The following MGAM variants were observed in gnomAD, a reference collection of about 807,000 sequenced individuals.
MGAM encodes maltase-glucoamylase, also known as alpha-1,4-glucosidase.
MGAM carries 253 observed loss-of-function variants against 358.8 expected under a neutral mutation model. The observed-to-expected ratio is 0.71, with a 90% CI of 0.64 to 0.78. The LOEUF (loss-of-function observed/expected upper bound fraction) is 0.78. Among genes scored for constraint, MGAM ranks in the 30% least tolerant of loss-of-function variants. The pLI, the probability that MGAM is intolerant of heterozygous loss-of-function variation, is 0.00. For missense variants in MGAM, 3,080 were observed against 3,432.6 expected (o/e 0.90, Z 2.57); for synonymous variants, 1,105 against 1,227.1 (o/e 0.90, Z 2.08).
intron 18 of MGAM, 53 bp downstream of exon 18, chr7:142,037,030 A>T: frequency 6.5e-7 from 1 of 1,539,486 alleles, no homozygotes; most frequent in Non-Finnish European, 8.9e-7. Flanking sequence ...AATGACATTG[A>T]CTATATCATC....
At chr7:142,056,716 C>T in intron 29 of MGAM, 114 bp from the exon 30 acceptor site, 1 of 955,386 alleles carries the variant, frequency 1.0e-6, no homozygotes, top group Non-Finnish European at 1.6e-6. Context: ...AAAATGCCTG[C>T]TGTTACTACT....
rs1816385895 is a variant in MGAM, at chr7:142,100,901, G to A, written c.7963+11G>A. The stretch of plus-strand genomic sequence containing the variant: ...ATGGGCAAAGCATTGGTGAGTAGAG[G>A]TTGCCTGAGATTCATGCTGATGGCA... On this transcript the variant is annotated intron_variant, in intron 68 of 70. Transcript: ENST00000475668. 2 of 1,610,766 alleles carry A rather than the reference G, an allele frequency of 1.2e-6. No individual in the cohort carries two copies. The highest frequency in any genetic ancestry group is 1.1e-5 in the South Asian group (1 of 90,176).
intron 68 of MGAM, 57 bp from the exon 69 acceptor site, chr7:142,102,573 A>G: frequency 6.7e-7 from 1 of 1,488,228 alleles, no homozygotes; most frequent in East Asian, 2.3e-5. Context: ...TATATTCTAT[A>G]GCATAGAGTT....
intron 14 of MGAM, 84 bp from the exon 15 acceptor site, chr7:142,034,178 G>A (rs1274094742): frequency 6.5e-6 from 6 of 920,494 alleles, no homozygotes; most frequent in Non-Finnish European, 9.8e-6. Context: ...CCTGCCCAGG[G>A]GGCTGTCATT....
At chr7:142,088,996 G>GTATGTATGTATATATC (rs771119657) in intron 57 of MGAM, among the ~76,000 whole-genome samples, 12 of 118,046 alleles carry the variant, frequency 1.0e-4, no homozygotes, top group African/African-American at 3.2e-4. Context: ...ATGTATGTAT[G>GTATGTATGTATATATC]TATCTATCTA....
intron 2 of MGAM, among the ~76,000 whole-genome samples, chr7:141,987,764 GAACA>G (rs1803775829): frequency 6.7e-6 from 1 of 150,356 alleles, no homozygotes; most frequent in African/African-American, 2.5e-5. Context: ...TTGAATGAAT[GAACA>G]AACATTTAGT....
At chr7:142,052,071 T>C (rs1811028213) in intron 24 of MGAM, among the ~76,000 whole-genome samples, 1 of 152,182 alleles carries the variant, frequency 6.6e-6, no homozygotes, top group African/African-American at 2.4e-5. Context: ...GTTTTCATTA[T>C]GCTAAGTACA....
chr7:141,996,744 A>G (rs1477616552), intron 1 of MGAM, among the ~76,000 whole-genome samples: 1 of 152,208 alleles, frequency 6.6e-6, no homozygotes, highest in Non-Finnish European at 1.5e-5. Flanking sequence ...TCTGTTGATT[A>G]AATACAGAAT....
At chr7:141,992,921 T>G (rs1367208729), upstream of MGAM, among the ~76,000 whole-genome samples, 3 of 152,208 alleles carry the variant, frequency 2.0e-5, no homozygotes, top group African/African-American at 7.2e-5. Context: ...TGCATGCCAG[T>G]TTTCCTTTCT....
intron 3 of MGAM, among the ~76,000 whole-genome samples, chr7:142,017,016 C>T (rs1806026540): frequency 6.6e-6 from 1 of 152,160 alleles, no homozygotes; most frequent in Non-Finnish European, 1.5e-5. Context: ...CTATCTTTGT[C>T]TTTTAAATAT....
intron 4 of MGAM, among the ~76,000 whole-genome samples, chr7:142,020,663 G>T (rs1047898324): frequency 6.9e-4 from 102 of 147,890 alleles, no homozygotes; most frequent in African/African-American, 2.5e-3. Flanking sequence ...GCTGTGGTGC[G>T]ATCTCAGCTC....
At chr7:142,043,878 C>G (rs1441382575) in intron 21 of MGAM, among the ~76,000 whole-genome samples, 1 of 111,042 alleles carries the variant, frequency 9.0e-6, no homozygotes, top group East Asian at 2.7e-4. Context: ...TATACACATA[C>G]GACGTATAAT....
At position 142,043,978 on chromosome 7, in the gene MGAM, T is replaced by TATATACATTATATACACATACGACGTAC. The variant is rs1809518264; in HGVS notation, c.2498+3133_2498+3134insTATACATTATATACACATACGACGTACA. Among the ~76,000 whole-genome samples, 4 of 124,124 alleles carry TATATACATTATATACACATACGACGTAC rather than the reference T, an allele frequency of 3.2e-5. 1 individual carries two copies. The highest frequency in any genetic ancestry group is 1.4e-4 in the African/African-American group (4 of 28,048). 81.4% of individuals were successfully genotyped at this position (124,124 alleles called of 152,430 possible). On this transcript the variant is annotated intron_variant, in intron 21 of 70. Transcript: ENST00000475668. ...ATACATTATATACACATACGACGTATAATATATACATTATATACACATACG... is the reference window on the plus strand; with the variant it reads ...ATACATTATATACACATACGACGTATATATACATTATATACACATACGACGTACAATATATACATTATATACACATACG...
chr7:142,053,507 T>G (rs1375030339), intron 26 of MGAM, among the ~76,000 whole-genome samples: 3 of 152,200 alleles, frequency 2.0e-5, no homozygotes, highest in Non-Finnish European at 4.4e-5. Flanking sequence ...CAGTTTGGGA[T>G]GCTGAATTTG....
At chr7:141,994,703 C>T (rs782762971), upstream of MGAM, among the ~76,000 whole-genome samples, 4 of 152,100 alleles carry the variant, frequency 2.6e-5, no homozygotes, top group Non-Finnish European at 5.9e-5. Flanking sequence ...GGGGGCGGAT[C>T]CCCCTATGCT....
intron 60 of MGAM, 128 bp downstream of exon 60, chr7:142,093,678 T>C (rs1218426986): frequency 9.3e-7 from 1 of 1,080,168 alleles, no homozygotes; most frequent in African/African-American, 1.5e-5. Context: ...AACTGTGTAA[T>C]GATTCTTATT....
chr7:142,078,545 C>A, intron 48 of MGAM, 75 bp downstream of exon 48: 1 of 1,340,298 alleles, frequency 7.5e-7, no homozygotes, highest in Non-Finnish European at 1.0e-6. Flanking sequence ...ATAGCAGTGG[C>A]ACTTATATAA....
rs182366997 is a variant in MGAM, at chr7:142,087,539, C to T, written c.6810+822C>T. Among the ~76,000 whole-genome samples, 37 of 146,184 alleles carry T rather than the reference C, an allele frequency of 2.5e-4. 1 individual carries two copies. The highest frequency in any genetic ancestry group is 8.7e-4 in the African/African-American group (36 of 41,184). ...TTCTTAGTGCGGGTCCAAGGGCTTC[C>T]TGGAGACCAAGTACCTTGCCCTACC... On this transcript the variant is annotated intron_variant, in intron 57 of 70. Transcript: ENST00000475668.
At chr7:142,056,730 T>C in intron 29 of MGAM, 100 bp from the exon 30 acceptor site, 1 of 1,152,008 alleles carries the variant, frequency 8.7e-7, no homozygotes, top group Middle Eastern at 2.9e-4. Flanking sequence ...TACTACTCTA[T>C]GATAGGGAGG....
Sources: allele counts gnomAD v4.1 joint callset (sites outside exome capture counted in the v4.1 genomes callset), GRCh38; gene constraint gnomAD v4.1.1; transcripts MANE v1.5; gene names NCBI Gene and HGNC (gene_info 2026-07-23, HGNC 2026-07-21).